The following CSGALNACT1 variants were observed in gnomAD, a reference collection of about 807,000 sequenced individuals.
CSGALNACT1 encodes the protein chondroitin sulfate N-acetylgalactosaminyltransferase 1, also known as beta4GalNAcT-1.
A neutral mutation model predicts 51.0 loss-of-function variants in CSGALNACT1; 52 were observed. That is an observed-to-expected ratio of 1.02 (90% CI 0.82 to 1.29). CSGALNACT1 has a LOEUF of 1.29. Among genes scored for constraint, CSGALNACT1 ranks in the 50% most tolerant of loss-of-function variants. The pLI is 0.00. For missense variants in CSGALNACT1, 935 were observed against 679.2 expected (o/e 1.38, Z -4.19); for synonymous variants, 341 against 254.4 (o/e 1.34, Z -3.24).
chr8:19,415,037 C>A (rs375381597), intron 8 of CSGALNACT1, among the ~76,000 whole-genome samples: 3 of 152,200 alleles, frequency 2.0e-5, no homozygotes, highest in African/African-American at 7.2e-5. Flanking sequence ...TTTGTCAAGA[C>A]TTTTCCTTCA....
intron 8 of CSGALNACT1, among the ~76,000 whole-genome samples, chr8:19,415,586 T>C (rs531187118): frequency 2.6e-5 from 4 of 152,312 alleles, no homozygotes; most frequent in Admixed American, 6.5e-5. Flanking sequence ...ACTGTGCCTC[T>C]GATTCCCTTC....
chr8:19,724,136 C>G (rs2063272265), intron 1 of CSGALNACT1, among the ~76,000 whole-genome samples: 1 of 152,168 alleles, frequency 6.6e-6, no homozygotes, highest in Non-Finnish European at 1.5e-5. Context: ...ACCACCGCTG[C>G]CCAGCAGCAC....
At chr8:19,463,325 G>A (rs1194384735) in intron 4 of CSGALNACT1, among the ~76,000 whole-genome samples, 4 of 152,106 alleles carry the variant, frequency 2.6e-5, no homozygotes, top group African/African-American at 9.7e-5. Context: ...CCTAAGTCCA[G>A]CAAAAGCCAT....
intron 3 of CSGALNACT1, among the ~76,000 whole-genome samples, chr8:19,508,405 A>T (rs1227464050): frequency 1.3e-5 from 2 of 152,198 alleles, no homozygotes; most frequent in Non-Finnish European, 2.9e-5. Context: ...GATTCTCTCT[A>T]CTGTAATTTA....
chr8:19,566,474 C>T (rs2041928646), intron 3 of CSGALNACT1, among the ~76,000 whole-genome samples: 2 of 152,230 alleles, frequency 1.3e-5, no homozygotes, highest in Admixed American at 1.3e-4. Flanking sequence ...GGTCATTTGT[C>T]ACAGCAGCCA....
chr8:19,427,963 A>T (rs1317191220), intron 6 of CSGALNACT1, among the ~76,000 whole-genome samples: 2 of 152,194 alleles, frequency 1.3e-5, no homozygotes, highest in East Asian at 3.9e-4. Context: ...GTCTCATCGT[A>T]GGTGTAGGAT....
chr8:19,570,805 C>T (rs1486848000), intron 3 of CSGALNACT1, among the ~76,000 whole-genome samples: 4 of 152,050 alleles, frequency 2.6e-5, no homozygotes, highest in African/African-American at 9.7e-5. Flanking sequence ...GAGGCTGAAG[C>T]ACAAGAATCA....
chr8:19,408,653 A>C, exon 9 of CSGALNACT1: 4 of 1,613,816 alleles, frequency 2.5e-6, no homozygotes, highest in Non-Finnish European at 3.4e-6. Context: ...ACGTCATCCC[A>C]AATCCAAAGT....
chr8:19,640,257 GTATT>G (rs1442625775), intron 1 of CSGALNACT1, among the ~76,000 whole-genome samples: 2 of 152,152 alleles, frequency 1.3e-5, no homozygotes, highest in African/African-American at 4.8e-5. Context: ...TTTATGAAAT[GTATT>G]TATACATATG....
chr8:19,639,865 AGTTTTGTTTT>A (rs779472461), intron 1 of CSGALNACT1, among the ~76,000 whole-genome samples: 6 of 151,870 alleles, frequency 4.0e-5, no homozygotes. Context: ...TTTTAAGAAC[AGTTTTGTTTT>A]GTTTTGTTTT....
At chr8:19,557,178 G>A (rs1406389254) in intron 3 of CSGALNACT1, among the ~76,000 whole-genome samples, 1 of 152,066 alleles carries the variant, frequency 6.6e-6, no homozygotes, top group African/African-American at 2.4e-5. Context: ...GACACATCAG[G>A]AAACCACTGA....
At chr8:19,666,608 G>A (rs58141703) in intron 1 of CSGALNACT1, among the ~76,000 whole-genome samples, 25,448 of 150,932 alleles carry the variant, frequency 0.17, 2,318 homozygotes, top group Non-Finnish European at 0.21. Context: ...GGAGGTGGGC[G>A]GATAGCTTCA....
intron 1 of CSGALNACT1, among the ~76,000 whole-genome samples, chr8:19,707,162 G>T (rs1369607728): frequency 1.3e-5 from 2 of 152,102 alleles, no homozygotes; most frequent in Non-Finnish European, 2.9e-5. Context: ...GTAGCATGGG[G>T]TGTAAACAGG....
intron 5 of CSGALNACT1, among the ~76,000 whole-genome samples, chr8:19,448,021 T>C (rs2062438344): frequency 6.6e-6 from 1 of 152,196 alleles, no homozygotes; most frequent in Non-Finnish European, 1.5e-5. Flanking sequence ...CCTCTGGCTG[T>C]TGTCAGAAGC....
At chr8:19,495,831 C>T (rs371257988) in intron 4 of CSGALNACT1, among the ~76,000 whole-genome samples, 1 of 152,140 alleles carries the variant, frequency 6.6e-6, no homozygotes, top group African/African-American at 2.4e-5. Context: ...TGCTGTGTCT[C>T]CAGGCCTGCA....
intron 6 of CSGALNACT1, among the ~76,000 whole-genome samples, chr8:19,423,815 T>C (rs566287094): frequency 6.6e-6 from 1 of 152,320 alleles, no homozygotes; most frequent in Admixed American, 6.5e-5. Flanking sequence ...GAAAAGACAA[T>C]GCATGTTATA....
At chr8:19,640,510 T>C (rs557734450) in intron 1 of CSGALNACT1, among the ~76,000 whole-genome samples, 79 of 152,312 alleles carry the variant, frequency 5.2e-4, no homozygotes, top group Admixed American at 2.5e-3. Context: ...TTCATTTACT[T>C]AGGTAAAATG....
rs75457360 is a variant in CSGALNACT1, at chr8:19,740,445, G to A, written c.-297+17405C>T. The stretch of plus-strand genomic sequence containing the variant: ...CCAGGATGAAAGGACAGTGACGGGC[G>A]CACAGCAGAGGCTTCTTCAAATAAA... On this transcript the variant is annotated intron_variant, in intron 1 of 1. Transcript: ENST00000517494. 5.4e-3 allele frequency among the ~76,000 whole-genome samples: 817 copies of A among 152,320 alleles called. 10 individuals are homozygous for A. In the East Asian group the frequency reaches 0.066, roughly 12 times the overall value.
intron 3 of CSGALNACT1, among the ~76,000 whole-genome samples, chr8:19,541,992 T>C (rs1207657316): frequency 6.6e-6 from 1 of 152,150 alleles, no homozygotes; most frequent in Non-Finnish European, 1.5e-5. Flanking sequence ...GGAGGCAAGA[T>C]GTGTTTACAC....
Sources: allele counts gnomAD v4.1 joint callset (sites outside exome capture counted in the v4.1 genomes callset), GRCh38; gene constraint gnomAD v4.1.1; transcripts MANE v1.5; gene names NCBI Gene and HGNC (gene_info 2026-07-23, HGNC 2026-07-21).